Variants in STARD8 observed in about 807,000 individuals in gnomAD.
STARD8 encodes StAR related lipid transfer domain containing 8, also known as stAR-related lipid transfer protein 8.
Under a neutral mutation model 69.4 loss-of-function variants are expected in STARD8, and 25 were observed. The ratio of observed to expected loss-of-function variants is 0.36; its 90% CI spans 0.26 to 0.50. The LOEUF is 0.50. Ranked by LOEUF, STARD8 falls within the 20% of genes least tolerant of loss-of-function variation. The probability of loss-of-function intolerance (pLI) is 0.96; values close to 1 mark genes in which losing one functional copy is unlikely to be tolerated. For missense variants in STARD8, 921 were observed against 932.5 expected (o/e 0.99, Z 0.16); for synonymous variants, 389 against 374.6 (o/e 1.04, Z -0.45).
rs2080083067 is a variant in STARD8, at chrX:68,715,286, C to A, written c.152-8C>A. The A allele has an allele frequency of 8.3e-7, 1 of 1,201,668 alleles. No individual in the cohort carries two copies. Among genetic ancestry groups the A allele is most frequent in the Non-Finnish European group, 1.1e-6 (1 of 889,091 alleles). ...CTGCACTCATCTTTGCTTCTCTCTG[C>A]CATACAGAAGGTTCGTTTCCCCTGG... is the stretch of plus-strand genomic sequence containing the variant. On this transcript the variant is annotated splice_region_variant and splice_polypyrimidine_tract_variant and intron_variant, in intron 3 of 14. Coordinates refer to ENST00000374599, the MANE Select transcript of STARD8 (RefSeq NM_001142503.3).
chrX:68,658,746 G>A (rs150811935), intron 1 of STARD8, among the ~76,000 whole-genome samples: 2,006 of 112,596 alleles, frequency 0.018, 19 homozygotes, highest in Middle Eastern at 0.037. Context: ...AGCCTCTGCT[G>A]GGATTTGGGG....
In STARD8 at chrX:68,694,021, G is replaced by A. The variant is rs775613388; in HGVS notation, c.80-18893G>A. Among the ~76,000 whole-genome samples, 88 of 113,349 alleles carry A rather than the reference G, an allele frequency of 7.8e-4. 1 individual carries two copies. In the East Asian group the frequency reaches 0.017, roughly 21 times the overall value. The stretch of plus-strand genomic sequence containing the variant: ...CTGGGATTGGGGGGTCAGAATCGCC[G>A]AAATTGGGGGACCCCCGAGCGCGCC... On this transcript the variant is annotated intron_variant, in intron 2 of 14. Coordinates refer to ENST00000374599, the MANE Select transcript of STARD8 (RefSeq NM_001142503.3).
chrX:68,719,443 G>A (rs1178490672), intron 7 of STARD8, 45 bp downstream of exon 7: 3 of 1,113,003 alleles, frequency 2.7e-6, no homozygotes, highest in Non-Finnish European at 3.6e-6. Context: ...TGCTGACTCA[G>A]GTCCACGTCC....
At chrX:68,717,155 CA>C in intron 5 of STARD8, 56 bp from the exon 6 acceptor site, 1 of 1,110,228 alleles carries the variant, frequency 9.0e-7, no homozygotes, top group Non-Finnish European at 1.2e-6. Flanking sequence ...GAGTGGAGTA[CA>C]AGCAAGGACT....
chrX:68,718,097 G>A lies in STARD8; in HGVS notation c.1183G>A (p.Val395Met), dbSNP rs151192738. 59 of 1,210,018 alleles carry A rather than the reference G, an allele frequency of 4.9e-5. No individual in the cohort carries two copies. The highest frequency in any genetic ancestry group is 6.3e-5 in the Non-Finnish European group (56 of 895,166). ...YAHLDDILQH[V>M]WGLQQRVELW... ...TCACCTAGACGACATCCTCCAGCACGTGTGGGGGCTACAGCAACGAGTAGA... is the reference window on the plus strand; with the variant it reads ...TCACCTAGACGACATCCTCCAGCACATGTGGGGGCTACAGCAACGAGTAGA... The change falls in exon 6 of 15, where the codon GTG becomes ATG. Residue 395 changes from valine (V) to methionine (M), a missense_variant. Coordinates refer to ENST00000374599, the MANE Select transcript of STARD8 (RefSeq NM_001142503.3).
intron 2 of STARD8, among the ~76,000 whole-genome samples, chrX:68,690,431 C>CGGG (rs756097076): frequency 1.0e-5 from 1 of 99,551 alleles, no homozygotes; most frequent in African/African-American, 4.4e-5. Flanking sequence ...CCCAGGCAGG[C>CGGG]AGGGCGGGGG....
intron 1 of STARD8, among the ~76,000 whole-genome samples, chrX:68,661,976 CTTTCTTTCTT>C (rs2079652218): frequency 8.1e-4 from 43 of 52,835 alleles, no homozygotes; most frequent in African/African-American, 4.0e-3. Context: ...CTCTCTCTTT[CTTTCTTTCTT>C]TCTTTCTTTC....
intron 6 of STARD8, 128 bp from the exon 7 acceptor site, chrX:68,719,097 G>A (rs994554936): frequency 2.3e-6 from 2 of 864,879 alleles, no homozygotes; most frequent in Middle Eastern, 2.9e-4. Flanking sequence ...AGCAGCACTA[G>A]AAAGTGTTCC....
intron 3 of STARD8, 105 bp from the exon 4 acceptor site, chrX:68,715,189 T>C: frequency 3.0e-6 from 2 of 676,854 alleles, no homozygotes; most frequent in Non-Finnish European, 4.4e-6. Context: ...CCTCTTGTCT[T>C]CCTGCTCCCC....
rs749883698 is a variant in STARD8, at chrX:68,719,416, C to T, written c.1889+18C>T. The T allele has an allele frequency of 8.8e-7, 1 of 1,141,418 alleles. No individual in the cohort carries two copies. 94.1% of individuals were successfully genotyped at this position (1,141,418 alleles called of 1,213,427 possible). ...TGGGTCTGGTGAGTGGCTCCTGGGC[C>T]ATGGAGGGTGGGGAACTGCTGACTC... On this transcript the variant is annotated intron_variant, in intron 7 of 14. Transcript: ENST00000374599.
At chrX:68,657,199 C>G (rs1468251962) in intron 1 of STARD8, among the ~76,000 whole-genome samples, 1 of 111,483 alleles carries the variant, frequency 9.0e-6, no homozygotes, top group African/African-American at 3.3e-5. Flanking sequence ...AATGATAACT[C>G]CTACCTTATA....
intron 2 of STARD8, among the ~76,000 whole-genome samples, chrX:68,710,833 C>T (rs887835366): frequency 5.3e-5 from 6 of 112,250 alleles, no homozygotes; most frequent in African/African-American, 1.6e-4. Flanking sequence ...TTTTCTGGCA[C>T]CTCCCTTTTG....
intron 1 of STARD8, among the ~76,000 whole-genome samples, chrX:68,653,026 CCA>C (rs2079568548): frequency 5.0e-5 from 1 of 19,820 alleles, no homozygotes; most frequent in Non-Finnish European, 9.2e-5. Flanking sequence ...CACACACACC[CCA>C]CACACCACAC....
At chrX:68,693,528 A>G in intron 2 of STARD8, 1 of 519,841 alleles carries the variant, frequency 1.9e-6, no homozygotes, top group Non-Finnish European at 2.3e-6. Flanking sequence ...GCCCACCCAG[A>G]TTTGGGTGAC....
At chrX:68,720,699 C>CTACT (rs905903539) in intron 8 of STARD8, among the ~76,000 whole-genome samples, 1 of 112,798 alleles carries the variant, frequency 8.9e-6, no homozygotes, top group African/African-American at 3.2e-5. Context: ...CCACCTTTTT[C>CTACT]TACTCATCTC....
At chrX:68,656,428 A>G (rs762177044) in intron 1 of STARD8, 13 of 112,186 alleles carry the variant, frequency 1.2e-4, no homozygotes, top group Non-Finnish European at 2.4e-4. Context: ...TAGTTCAGCC[A>G]TTGTGGAAGA....
intron 2 of STARD8, among the ~76,000 whole-genome samples, chrX:68,685,495 G>A (rs375619792): frequency 5.3e-5 from 6 of 112,376 alleles, no homozygotes; most frequent in Non-Finnish European, 1.1e-4. Context: ...TGGGGATTGC[G>A]TATTAGAAAA....
At chrX:68,666,251 C>A (rs1330103203) in intron 2 of STARD8, among the ~76,000 whole-genome samples, 1 of 112,108 alleles carries the variant, frequency 8.9e-6, no homozygotes, top group Non-Finnish European at 1.9e-5. Context: ...GGAGCCTGAA[C>A]TCCTGGTATC....
chrX:68,678,917 A>G (rs925437129), intron 2 of STARD8, among the ~76,000 whole-genome samples: 1 of 112,417 alleles, frequency 8.9e-6, no homozygotes, highest in Non-Finnish European at 1.9e-5. Flanking sequence ...GCCCCTCATT[A>G]GTTGTGTGAT....
Sources: gnomAD v4.1 joint callset for allele counts (sites outside exome capture counted in the v4.1 genomes callset) on GRCh38, gnomAD v4.1.1 for gene constraint, MANE v1.5 for transcripts, NCBI Gene and HGNC (gene_info 2026-07-23, HGNC 2026-07-21) for gene names.